The following COL26A1 variants were observed in gnomAD, a reference collection of about 807,000 sequenced individuals.
COL26A1 encodes the protein collagen type XXVI alpha 1 chain.
Under a neutral mutation model 59.3 loss-of-function variants are expected in COL26A1, and 41 were observed. That is an observed-to-expected ratio of 0.69 (90% confidence interval 0.54 to 0.90). The LOEUF is 0.90. Among genes scored for constraint, COL26A1 ranks in the 40% least tolerant of loss-of-function variants. COL26A1 has a pLI of 0.00. For synonymous variants in COL26A1, 266 were observed against 256.0 expected (o/e 1.04, Z -0.37); for missense variants, 612 against 602.3 (o/e 1.02, Z -0.17).
At chr7:101,449,275 C>T (rs1793273448) in intron 3 of COL26A1, among the ~76,000 whole-genome samples, 1 of 152,208 alleles carries the variant, frequency 6.6e-6, no homozygotes. Flanking sequence ...CTCATGGAGG[C>T]CTGAGCCCTT....
At chr7:101,400,496 G>A (rs985461988) in intron 1 of COL26A1, among the ~76,000 whole-genome samples, 19 of 151,242 alleles carry the variant, frequency 1.3e-4, no homozygotes, top group Non-Finnish European at 2.5e-4. Flanking sequence ...TGAGTAGCTG[G>A]GATTGCAGGT....
chr7:101,453,830 G>A (rs1793402371), intron 3 of COL26A1, among the ~76,000 whole-genome samples: 1 of 152,160 alleles, frequency 6.6e-6, no homozygotes, highest in Admixed American at 6.6e-5. Context: ...GAAGATGGTT[G>A]TGGTGAGTCC....
At chr7:101,503,398 G>C (rs574014239) in intron 3 of COL26A1, among the ~76,000 whole-genome samples, 1 of 152,082 alleles carries the variant, frequency 6.6e-6, no homozygotes, top group Non-Finnish European at 1.5e-5. Context: ...CCTGAGTGTC[G>C]CCCTACCCTG....
intron 2 of COL26A1, among the ~76,000 whole-genome samples, chr7:101,423,827 CAG>C (rs368504905): frequency 1.7e-3 from 263 of 152,264 alleles, no homozygotes; most frequent in African/African-American, 6.1e-3. Flanking sequence ...GAGGCCAAAA[CAG>C]AACATTCAGT....
chr7:101,391,854 C>CTTTCTTTTCTTTTCTTTTCTTTTCT lies in COL26A1; in HGVS notation c.159-28109_159-28085dup, dbSNP rs139380820. Among the ~76,000 whole-genome samples the CTTTCTTTTCTTTTCTTTTCTTTTCT allele has an allele frequency of 1.8e-3, 276 of 149,340 alleles. 1 individual carries two copies. Among genetic ancestry groups the CTTTCTTTTCTTTTCTTTTCTTTTCT allele is most frequent in the African/African-American group, 6.1e-3 (248 of 40,580 alleles). ...ATAGGCATGAGCCACCATGCCAAGC[C>CTTTCTTTTCTTTTCTTTTCTTTTCT]TTTCTTTTCTTTTCTTTTCTTTTCT... On this transcript the variant is annotated intron_variant, in intron 1 of 12. Coordinates refer to ENST00000313669, the MANE Select transcript of COL26A1 (RefSeq NM_001278563.3).
intron 1 of COL26A1, among the ~76,000 whole-genome samples, chr7:101,408,995 G>A (rs60009329): frequency 0.02 from 3,094 of 152,332 alleles, 117 homozygotes; most frequent in African/African-American, 0.07. Flanking sequence ...AGAGTTGCCC[G>A]TTGACTTGTT....
rs567160832 is a variant in COL26A1, at chr7:101,543,399, G to A, written c.605-599G>A. On this transcript the variant is annotated intron_variant, in intron 5 of 12. Coordinates refer to ENST00000313669, the MANE Select transcript of COL26A1 (RefSeq NM_001278563.3). ...GGCCCAGGCTGGTCTCAAACTCCTG[G>A]GCTCAAGTGATCTTCCTGCCTCAGC... is the stretch of plus-strand genomic sequence containing the variant. Among the ~76,000 whole-genome samples, 15 of 152,092 alleles carry A rather than the reference G, an allele frequency of 9.9e-5. 2 individuals carry two copies. Among genetic ancestry groups the A allele is most frequent in the Admixed American group, 9.2e-4 (14 of 15,258 alleles).
intron 2 of COL26A1, among the ~76,000 whole-genome samples, chr7:101,431,576 T>C (rs977572329): frequency 8.5e-5 from 13 of 152,166 alleles, no homozygotes; most frequent in Admixed American, 2.0e-4. Flanking sequence ...TTTTCAAAGA[T>C]GCTTTTTATC....
At chr7:101,545,001 G>A (rs1795700521) in intron 6 of COL26A1, among the ~76,000 whole-genome samples, 1 of 152,166 alleles carries the variant, frequency 6.6e-6, no homozygotes, top group African/African-American at 2.4e-5. Context: ...AGCCCAGGAT[G>A]GTGGCTTATA....
intron 1 of COL26A1, among the ~76,000 whole-genome samples, chr7:101,385,669 C>T (rs1291235187): frequency 2.0e-5 from 3 of 151,780 alleles, no homozygotes; most frequent in East Asian, 1.9e-4. Flanking sequence ...CCACGCCTGG[C>T]CCCATACAAT....
At chr7:101,530,002 G>C (rs1795330542) in intron 3 of COL26A1, among the ~76,000 whole-genome samples, 1 of 152,154 alleles carries the variant, frequency 6.6e-6, no homozygotes, top group African/African-American at 2.4e-5. Context: ...TGTTGGCACA[G>C]TGTCATCCAG....
intron 5 of COL26A1, among the ~76,000 whole-genome samples, chr7:101,540,571 G>A (rs185172132): frequency 5.5e-4 from 82 of 150,094 alleles, no homozygotes; most frequent in African/African-American, 1.9e-3. Context: ...CCATCTGGCC[G>A]AGCATAGTGG....
At chr7:101,506,532 G>A (rs920404507) in intron 3 of COL26A1, among the ~76,000 whole-genome samples, 2 of 152,196 alleles carry the variant, frequency 1.3e-5, no homozygotes, top group African/African-American at 2.4e-5. Flanking sequence ...GAGGGGCCCC[G>A]AGACCAGGGG....
chr7:101,498,684 T>C (rs1191393938), intron 3 of COL26A1, among the ~76,000 whole-genome samples: 1 of 152,204 alleles, frequency 6.6e-6, no homozygotes, highest in Non-Finnish European at 1.5e-5. Context: ...ATGTTGCTTT[T>C]CATTTGGAGA....
intron 3 of COL26A1, among the ~76,000 whole-genome samples, chr7:101,449,168 C>T (rs1044318752): frequency 4.6e-5 from 7 of 152,180 alleles, no homozygotes; most frequent in Non-Finnish European, 1.0e-4. Flanking sequence ...GCAGGAAGGA[C>T]CTCCAAGGTG....
chr7:101,454,723 G>A (rs1037821374), intron 3 of COL26A1, among the ~76,000 whole-genome samples: 1 of 152,142 alleles, frequency 6.6e-6, no homozygotes, highest in African/African-American at 2.4e-5. Context: ...AAATATGTGT[G>A]TTAGATAAGC....
At chr7:101,510,961 C>T (rs1388291308) in intron 3 of COL26A1, among the ~76,000 whole-genome samples, 2 of 142,034 alleles carry the variant, frequency 1.4e-5, no homozygotes, top group Non-Finnish European at 3.0e-5. Context: ...AGTGCAGTGG[C>T]ACGATGTCGG....
intron 1 of COL26A1, 138 bp from the exon 2 acceptor site, chr7:101,419,839 C>T: frequency 1.2e-6 from 1 of 809,306 alleles, no homozygotes; most frequent in Non-Finnish European, 2.0e-6. Flanking sequence ...CAGAGGGTCT[C>T]AGTGGGCCCC....
At chr7:101,383,569 C>G (rs1791497088) in intron 1 of COL26A1, among the ~76,000 whole-genome samples, 1 of 150,694 alleles carries the variant, frequency 6.6e-6, no homozygotes, top group African/African-American at 2.4e-5. Context: ...GAGTCTCGCT[C>G]TGTTGCCCAG....
Sources: allele counts gnomAD v4.1 joint callset (sites outside exome capture counted in the v4.1 genomes callset), GRCh38; gene constraint gnomAD v4.1.1; transcripts MANE v1.5; gene names NCBI Gene and HGNC (gene_info 2026-07-23, HGNC 2026-07-21).